Variants in C2CD3 observed in about 807,000 individuals in gnomAD.
C2CD3 encodes the protein C2 domain-containing protein 3.
Under a neutral mutation model 234.0 loss-of-function variants are expected in C2CD3, and 148 were observed. That is an observed-to-expected ratio of 0.63 (90% CI 0.55 to 0.72). C2CD3 has a LOEUF of 0.72. Among genes scored for constraint, C2CD3 ranks in the 30% least tolerant of loss-of-function variants. C2CD3 has a pLI of 0.00. For missense variants in C2CD3, 2,577 were observed against 2,811.5 expected (o/e 0.92, Z 1.89); for synonymous variants, 1,000 against 1,035.4 (o/e 0.97, Z 0.66).
At chr11:74,042,802 A>G (rs1283533307) in intron 28 of C2CD3, among the ~76,000 whole-genome samples, 1 of 152,058 alleles carries the variant, frequency 6.6e-6, no homozygotes, top group Non-Finnish European at 1.5e-5. Flanking sequence ...TGAAGTAATA[A>G]TAACAAGAGC....
chr11:74,134,348 A>T (rs1957788218), intron 5 of C2CD3, among the ~76,000 whole-genome samples: 3 of 152,334 alleles, frequency 2.0e-5, no homozygotes, highest in Admixed American at 1.3e-4. Context: ...AAAGCTGAGT[A>T]CTAGCTGGGC....
In C2CD3 at chr11:74,098,119, T is replaced by G. The variant is rs950454697; in HGVS notation, c.2869A>C (p.Asn957His). 2 of 1,614,130 alleles carry G rather than the reference T, an allele frequency of 1.2e-6. No individual in the cohort carries two copies. The highest frequency in any genetic ancestry group is 2.2e-5 in the East Asian group (1 of 44,882). Residue 957 changes from asparagine to histidine, a missense_variant, in exon 16 of 33, where the codon AAT becomes CAT. By Grantham distance (68) the Asn-to-His change is moderately conservative. Transcript: ENST00000334126. ...AATCTTTGTAGTGCCATTATTTGAT[T>G]TGAAGAACCCATAGCTAAAAAGACT... ...LRVFLAMGSS[N>H]QIMALQRLKN...
At position 74,103,020 on chromosome 11, in the gene C2CD3, G is replaced by A. The variant is rs1956370719; in HGVS notation, c.2580+111C>T. The A allele has an allele frequency of 1.8e-5, 19 of 1,082,376 alleles. No homozygotes were observed. In the East Asian group the frequency reaches 3.1e-4, roughly 18 times the overall value. 67.0% of individuals were successfully genotyped at this position (1,082,376 alleles called of 1,614,324 possible). A position where few individuals can be genotyped will look rare whatever the true frequency, so the allele number is the denominator to read the frequency against. ...CTGAATCTGTACACCAGATAATTAC[G>A]AAGGTTCCTTCTAGTCTGAACATTC... On this transcript the variant is annotated intron_variant, in intron 14 of 32. Coordinates refer to ENST00000334126, the MANE Select transcript of C2CD3 (RefSeq NM_001286577.2).
At chr11:74,099,110 G>A (rs1283498000) in intron 15 of C2CD3, among the ~76,000 whole-genome samples, 2 of 152,238 alleles carry the variant, frequency 1.3e-5, no homozygotes, top group East Asian at 3.9e-4. Context: ...AGTGGAAGAA[G>A]GGTAACACTA....
At chr11:74,111,608 T>C (rs1204247681) in intron 11 of C2CD3, among the ~76,000 whole-genome samples, 2 of 152,062 alleles carry the variant, frequency 1.3e-5, no homozygotes, top group African/African-American at 4.8e-5. Flanking sequence ...TTCTAAGCAT[T>C]TTGAAGAAAG....
intron 19 of C2CD3, 134 bp from the exon 20 acceptor site, chr11:74,091,070 C>T: frequency 1.2e-6 from 1 of 808,518 alleles, no homozygotes; most frequent in Non-Finnish European, 1.9e-6. Context: ...GAGAATCTGT[C>T]CTTGTCATAA....
chr11:74,141,919 T>C (rs1045205513), intron 3 of C2CD3, among the ~76,000 whole-genome samples: 2 of 152,004 alleles, frequency 1.3e-5, no homozygotes, highest in African/African-American at 4.8e-5. Flanking sequence ...GGAGGACTGC[T>C]TGAGCCCCGG....
chr11:74,015,354 T>G (rs746871807), intron 32 of C2CD3, among the ~76,000 whole-genome samples: 2 of 152,238 alleles, frequency 1.3e-5, no homozygotes, highest in Non-Finnish European at 2.9e-5. Context: ...TCCTACCATA[T>G]GCCAGGTCTT....
chr11:74,105,443 G>A (rs1350612106), intron 13 of C2CD3, among the ~76,000 whole-genome samples: 2 of 151,930 alleles, frequency 1.3e-5, no homozygotes, highest in Non-Finnish European at 2.9e-5. Flanking sequence ...GCTAATTTTT[G>A]TATTTTTAGT....
chr11:74,127,554 T>C (rs1957452098), intron 7 of C2CD3, among the ~76,000 whole-genome samples: 1 of 152,032 alleles, frequency 6.6e-6, no homozygotes, highest in African/African-American at 2.4e-5. Flanking sequence ...TTTACATAGA[T>C]GTATGTTGTA....
At chr11:74,050,603 T>A (rs1565230187) in intron 26 of C2CD3, among the ~76,000 whole-genome samples, 1 of 152,216 alleles carries the variant, frequency 6.6e-6, no homozygotes, top group Admixed American at 6.5e-5. Context: ...ATAAATTGCT[T>A]AATAAATCAA....
chr11:74,013,591 T>A, intron 32 of C2CD3, 66 bp from the exon 33 acceptor site: 1 of 1,016,980 alleles, frequency 9.8e-7, no homozygotes, highest in South Asian at 3.5e-5. Context: ...TGACGCTGGT[T>A]TCTCTCATCT....
At chr11:74,017,709 G>A (rs926162369) in intron 32 of C2CD3, among the ~76,000 whole-genome samples, 1 of 152,200 alleles carries the variant, frequency 6.6e-6, no homozygotes, top group Non-Finnish European at 1.5e-5. Context: ...TGCAAGAGGA[G>A]GCACTCTATA....
chr11:74,100,514 G>T lies in C2CD3; in HGVS notation c.2732+11C>A, dbSNP rs1280867699. 1.2e-6 allele frequency: 2 copies of T among 1,602,042 alleles called. No individual in the cohort carries two copies. Among genetic ancestry groups the T allele is most frequent in the East Asian group, 2.2e-5 (1 of 44,732 alleles). ...TGCACAATAAAGAATACTCCAAAAG[G>T]TCCTATTTACTTGAATGACATGTAA... is the stretch of plus-strand genomic sequence containing the variant. On this transcript the variant is annotated intron_variant, in intron 15 of 32. Transcript: ENST00000334126.
chr11:74,096,752 A>T (rs938733719), intron 16 of C2CD3, among the ~76,000 whole-genome samples: 4 of 152,244 alleles, frequency 2.6e-5, no homozygotes, highest in African/African-American at 9.6e-5. Context: ...TACAACGCCT[A>T]AACAGACTTG....
intron 1 of C2CD3, among the ~76,000 whole-genome samples, chr11:74,169,360 C>G (rs941127888): frequency 2.0e-5 from 3 of 152,142 alleles, no homozygotes; most frequent in Admixed American, 1.3e-4. Flanking sequence ...CCTTTAATGA[C>G]CCTGATTGTC....
chr11:74,033,640 G>A lies in C2CD3; in HGVS notation c.6520C>T (p.Pro2174Ser). 1 of 1,536,182 alleles carries A rather than the reference G, an allele frequency of 6.5e-7. No homozygotes were observed. Among genetic ancestry groups the A allele is most frequent in the Admixed American group, 2.0e-5 (1 of 51,008 alleles). ...CCTGAGAGTGTTGGGCATGGGATGG[G>A]CTGAGGGTTGGCTGAGGCAGACTCG... ...GGESASANPQPIPCPTLSGAQ... is the reference protein window; with the variant it reads ...GGESASANPQSIPCPTLSGAQ... Residue 2174 changes from proline (P) to serine (S), a missense_variant, in exon 31 of 33, where the codon CCC becomes TCC. Physicochemically the swap from Pro to Ser is moderately conservative, Grantham distance 74. Coordinates refer to ENST00000334126, the MANE Select transcript of C2CD3 (RefSeq NM_001286577.2).
In C2CD3 at chr11:74,119,792, T is replaced by C. The variant is rs571921536; in HGVS notation, c.1366-1410A>G. ...CTGGGACTAAAGGAATGTGCCACCA[T>C]ATCTGGCTAATTTTTGTATATTTAG... On this transcript the variant is annotated intron_variant, in intron 8 of 32. Coordinates refer to ENST00000334126, the MANE Select transcript of C2CD3 (RefSeq NM_001286577.2). 5.9e-4 allele frequency among the ~76,000 whole-genome samples: 89 copies of C among 152,104 alleles called. 1 individual carries two copies. The highest frequency in any genetic ancestry group is 1.9e-3 in the African/African-American group (77 of 41,498).
At chr11:74,104,386 G>C (rs1446376293) in intron 13 of C2CD3, among the ~76,000 whole-genome samples, 3 of 152,122 alleles carry the variant, frequency 2.0e-5, no homozygotes, top group Admixed American at 6.6e-5. Flanking sequence ...TGTAACTCTA[G>C]AGTATTATGC....
Sources: allele counts gnomAD v4.1 joint callset (sites outside exome capture counted in the v4.1 genomes callset), GRCh38; gene constraint gnomAD v4.1.1; transcripts MANE v1.5; gene names NCBI Gene and HGNC (gene_info 2026-07-23, HGNC 2026-07-21).